AGMO: variants seen among roughly 807,000 people sequenced by gnomAD.
AGMO encodes the protein glyceryl-ether monooxygenase.
AGMO carries 75 observed loss-of-function variants against 60.2 expected under a neutral mutation model. The ratio of observed to expected loss-of-function variants is 1.25; its 90% CI spans 1.03 to 1.51. The LOEUF is 1.51. Among genes scored for constraint, AGMO ranks in the 40% most tolerant of loss-of-function variants. The probability of loss-of-function intolerance (pLI) is 0.00; values close to 1 mark genes in which losing one functional copy is unlikely to be tolerated. For missense variants in AGMO, 763 were observed against 525.5 expected (o/e 1.45, Z -4.42); for synonymous variants, 261 against 177.1 (o/e 1.47, Z -3.76).
At chr7:15,152,876 G>A in the AGMO span, among the ~76,000 whole-genome samples, 1 of 152,100 alleles carries the variant, frequency 6.6e-6, no homozygotes, top group Non-Finnish European at 1.5e-5. Context: ...GGGATTGCTG[G>A]ATCAAATGAC....
At chr7:15,196,103 T>C (rs1261181554), downstream of AGMO, among the ~76,000 whole-genome samples, 6 of 151,856 alleles carry the variant, frequency 4.0e-5, no homozygotes, top group African/African-American at 1.5e-4. Flanking sequence ...AATGCAGTGG[T>C]GTGATCTCGG....
chr7:15,169,579 C>T, the AGMO span, among the ~76,000 whole-genome samples: 7 of 151,934 alleles, frequency 4.6e-5, no homozygotes, highest in South Asian at 1.2e-3. Context: ...TGGGATTACA[C>T]GCATCCACCA....
At chr7:15,385,771 A>G (rs4263651) in intron 9 of AGMO, among the ~76,000 whole-genome samples, 10,567 of 152,268 alleles carry the variant, frequency 0.069, 683 homozygotes, top group African/African-American at 0.17. Context: ...AAAGAGCAGC[A>G]TAAGAACTAA....
chr7:15,144,896 C>T, the AGMO span, among the ~76,000 whole-genome samples: 1 of 152,220 alleles, frequency 6.6e-6, no homozygotes, highest in Non-Finnish European at 1.5e-5. Flanking sequence ...GTGGTGCGAT[C>T]TCTGCTCACT....
chr7:15,383,460 A>C (rs748670054), intron 10 of AGMO, among the ~76,000 whole-genome samples: 1 of 151,566 alleles, frequency 6.6e-6, no homozygotes, highest in Non-Finnish European at 1.5e-5. Flanking sequence ...CTCCTGCCTA[A>C]AAGTCCTGCT....
intron 12 of AGMO, among the ~76,000 whole-genome samples, chr7:15,251,931 A>T (rs1782951609): frequency 6.6e-6 from 1 of 152,220 alleles, no homozygotes; most frequent in South Asian, 2.1e-4. Context: ...TAAGCCCAAA[A>T]TATAATATGT....
chr7:15,513,703 T>C (rs1272110395), intron 3 of AGMO, among the ~76,000 whole-genome samples: 2 of 152,216 alleles, frequency 1.3e-5, no homozygotes, highest in Non-Finnish European at 2.9e-5. Flanking sequence ...CTCTCACTAT[T>C]TTGGCATCTC....
intron 12 of AGMO, among the ~76,000 whole-genome samples, chr7:15,241,685 A>G (rs1316387591): frequency 6.6e-6 from 1 of 151,672 alleles, no homozygotes; most frequent in East Asian, 1.9e-4. Flanking sequence ...AGTTTCCCCA[A>G]AACCACTGTG....
At chr7:15,354,354 AGACG>A (rs1563104980) in intron 12 of AGMO, among the ~76,000 whole-genome samples, 7 of 76,438 alleles carry the variant, frequency 9.2e-5, no homozygotes, top group Non-Finnish European at 1.8e-4. Context: ...GCGTGTATAT[AGACG>A]TGTGTATATA....
chr7:15,520,366 A>C (rs995799233), intron 3 of AGMO, among the ~76,000 whole-genome samples: 1 of 152,128 alleles, frequency 6.6e-6, no homozygotes, highest in Non-Finnish European at 1.5e-5. Context: ...CATCTACAGA[A>C]CTCTCTACCC....
intron 12 of AGMO, among the ~76,000 whole-genome samples, chr7:15,304,804 C>G (rs1173270705): frequency 6.6e-6 from 1 of 152,036 alleles, no homozygotes; most frequent in African/African-American, 2.4e-5. Context: ...AAGCCTTCCT[C>G]TAAGCCCACC....
At chr7:15,154,180 G>A in the AGMO span, among the ~76,000 whole-genome samples, 1 of 152,102 alleles carries the variant, frequency 6.6e-6, no homozygotes, top group East Asian at 1.9e-4. Flanking sequence ...ATTCAGCAAA[G>A]TTTCAAAATA....
At chr7:15,528,640 C>A (rs565848945) in intron 3 of AGMO, among the ~76,000 whole-genome samples, 1 of 151,796 alleles carries the variant, frequency 6.6e-6, no homozygotes, top group Non-Finnish European at 1.5e-5. Context: ...GGAATACAGA[C>A]CATTTTTATT....
At chr7:15,196,215 T>C (rs13224446), downstream of AGMO, among the ~76,000 whole-genome samples, 12,500 of 151,742 alleles carry the variant, frequency 0.082, 734 homozygotes, top group Non-Finnish European at 0.11. Flanking sequence ...ATAATTTTTA[T>C]ACTTTTTTTT....
intron 3 of AGMO, among the ~76,000 whole-genome samples, chr7:15,489,884 A>G (rs1295750381): frequency 6.6e-6 from 1 of 152,246 alleles, no homozygotes; most frequent in Non-Finnish European, 1.5e-5. Flanking sequence ...CAATATTTCA[A>G]CAGAATCATG....
At chr7:15,344,974 G>A (rs1185757275) in intron 12 of AGMO, among the ~76,000 whole-genome samples, 1 of 152,022 alleles carries the variant, frequency 6.6e-6, no homozygotes. Flanking sequence ...CAGTTTTCTG[G>A]TTCTATGGCT....
At chr7:15,165,212 G>C in the AGMO span, among the ~76,000 whole-genome samples, 7 of 152,126 alleles carry the variant, frequency 4.6e-5, no homozygotes, top group South Asian at 1.5e-3. Flanking sequence ...GAAAATAATA[G>C]ACACTAGGGA....
chr7:15,223,325 G>C (rs950904540), intron 12 of AGMO, among the ~76,000 whole-genome samples: 7 of 151,792 alleles, frequency 4.6e-5, no homozygotes, highest in African/African-American at 1.7e-4. Context: ...ACAACTAGCA[G>C]GTACAATTTT....
chr7:15,384,127 C>T lies in AGMO; in HGVS notation c.1074+1319G>A, dbSNP rs140896410. Among the ~76,000 whole-genome samples the T allele has an allele frequency of 3.7e-3, 566 of 152,052 alleles. 1 individual carries two copies. Among genetic ancestry groups the T allele is most frequent in the Non-Finnish European group, 5.3e-3 (357 of 67,974 alleles). On this transcript the variant is annotated intron_variant, in intron 10 of 12. Coordinates refer to ENST00000342526, the MANE Select transcript of AGMO (RefSeq NM_001004320.2). ...TTATTTTTGTATTTTTCAGTAGAGA[C>T]GTGGTTTCACCGTATTAGCCAGGAT...
Sources: allele counts gnomAD v4.1 joint callset (sites outside exome capture counted in the v4.1 genomes callset), GRCh38; gene constraint gnomAD v4.1.1; transcripts MANE v1.5; gene names NCBI Gene and HGNC (gene_info 2026-07-23, HGNC 2026-07-21).